CCDC38: variants seen among roughly 807,000 people sequenced by gnomAD.
CCDC38 encodes coiled-coil domain-containing protein 38.
CCDC38 carries 69 observed loss-of-function variants against 72.8 expected under a neutral mutation model. The observed-to-expected ratio is 0.95, with a 90% CI of 0.78 to 1.16. The LOEUF is 1.16. CCDC38 is among the 50% of genes most tolerant of loss of function. The pLI is 0.00. For missense variants in CCDC38, 626 were observed against 638.9 expected (o/e 0.98, Z 0.22); for synonymous variants, 201 against 213.2 (o/e 0.94, Z 0.50).
At chr12:95,878,500 A>G (rs964103707) in intron 12 of CCDC38, among the ~76,000 whole-genome samples, 154 bp from the exon 13 acceptor site, 3 of 152,206 alleles carry the variant, frequency 2.0e-5, no homozygotes, top group African/African-American at 7.2e-5. Context: ...AGTACATGCA[A>G]CTTTTCAAGT....
chr12:95,881,451 C>T (rs1302847951), intron 11 of CCDC38, 34 bp downstream of exon 11: 1 of 1,499,336 alleles, frequency 6.7e-7, no homozygotes. Flanking sequence ...TTCACCAAAC[C>T]CAATATTTAA....
chr12:95,908,438 G>A (rs533060944), intron 4 of CCDC38, among the ~76,000 whole-genome samples: 12 of 54,018 alleles, frequency 2.2e-4, no homozygotes, highest in African/African-American at 1.4e-3. Flanking sequence ...GAGGGAGACC[G>A]TGGAAAGAGG....
At chr12:95,878,594 C>G (rs1177577478) in intron 12 of CCDC38, among the ~76,000 whole-genome samples, 1 of 152,148 alleles carries the variant, frequency 6.6e-6, no homozygotes, top group Non-Finnish European at 1.5e-5. Flanking sequence ...TTTTGTGGTT[C>G]CATTCGAATT....
At chr12:95,901,007 A>T (rs2079944754) in intron 5 of CCDC38, among the ~76,000 whole-genome samples, 1 of 152,178 alleles carries the variant, frequency 6.6e-6, no homozygotes, top group African/African-American at 2.4e-5. Context: ...GAAGGGCATG[A>T]TCCTATCACT....
chr12:95,942,340 G>C (rs973013178), intron 1 of CCDC38, 91 bp downstream of exon 1: 4 of 151,784 alleles, frequency 2.6e-5, no homozygotes, highest in Non-Finnish European at 5.9e-5. Flanking sequence ...CTCCAATTTT[G>C]GTCGCAAGTT....
At position 95,878,244 on chromosome 12, in the gene CCDC38, G is replaced by A; in HGVS notation, c.1245C>T (p.Leu415=). Residue 415 remains leucine (L), a synonymous_variant, in exon 13 of 16, where the codon CTC becomes CTT. Coordinates refer to ENST00000344280, the MANE Select transcript of CCDC38 (RefSeq NM_182496.3). ...KAAELQLKSK[L]FSFGEFNSDA... is the part of the protein sequence containing the mutation. ...CTGAATTAAATTCTCCAAAGCTAAA[G>A]AGCTTGGACTTTAATTGCAATTCTG... 1.2e-6 allele frequency: 2 copies of A among 1,613,540 alleles called. No homozygotes were observed. Among genetic ancestry groups the A allele is most frequent in the Non-Finnish European group, 1.7e-6 (2 of 1,179,784 alleles).
At chr12:95,899,474 ATTT>A (rs1365203273) in intron 5 of CCDC38, among the ~76,000 whole-genome samples, 1 of 152,080 alleles carries the variant, frequency 6.6e-6, no homozygotes, top group Non-Finnish European at 1.5e-5. Flanking sequence ...TCATTTTTGT[ATTT>A]TTAGTAGAGA....
chr12:95,909,892 G>A (rs765804280), intron 4 of CCDC38, among the ~76,000 whole-genome samples: 1 of 152,064 alleles, frequency 6.6e-6, no homozygotes, highest in African/African-American at 2.4e-5. Flanking sequence ...GGCATCGAAG[G>A]AACATACCTC....
At chr12:95,895,260 C>A in intron 7 of CCDC38, 114 bp from the exon 8 acceptor site, 3 of 632,440 alleles carry the variant, frequency 4.7e-6, no homozygotes, top group Non-Finnish European at 4.9e-6. Flanking sequence ...ATTTAATTAT[C>A]AAAAAGGATA....
chr12:95,917,098 A>C, intron 4 of CCDC38, 31 bp downstream of exon 4: 1 of 1,538,860 alleles, frequency 6.5e-7, no homozygotes. Flanking sequence ...AATATTCAAA[A>C]TGATGTTCTT....
chr12:95,877,499 C>T (rs74665020), intron 13 of CCDC38, among the ~76,000 whole-genome samples: 4,586 of 152,170 alleles, frequency 0.03, 159 homozygotes, highest in East Asian at 0.099. Context: ...CAATGTTAGC[C>T]TTATATATTA....
Position 95,879,124 on chromosome 12 carries a change from T to G in CCDC38, c.1142+520A>C, listed in dbSNP as rs1361596796. Reference sequence around the variant, plus strand: ...ATATTTTTAGATGAGGAAGGAATTTTGTGAGGGATCAAATCCAGCTGCTTT... The same window carrying G: ...ATATTTTTAGATGAGGAAGGAATTTGGTGAGGGATCAAATCCAGCTGCTTT... On this transcript the variant is annotated intron_variant, in intron 12 of 15. Transcript: ENST00000344280. The surrounding 1 kb of genome is among the most constrained non-coding windows in gnomAD (Gnocchi z 5.5). 6.6e-6 allele frequency among the ~76,000 whole-genome samples: 1 copy of G among 152,228 alleles called. No individual in the cohort carries two copies. The highest frequency in any genetic ancestry group is 2.1e-4 in the South Asian group (1 of 4,830).
At chr12:95,873,471 G>A (rs1331508185) in intron 13 of CCDC38, among the ~76,000 whole-genome samples, 1 of 152,094 alleles carries the variant, frequency 6.6e-6, no homozygotes, top group African/African-American at 2.4e-5. Context: ...AAAAGCTTAG[G>A]CCAAACCTTG....
At position 95,903,156 on chromosome 12, in the gene CCDC38, G is replaced by A. The variant is rs78796008; in HGVS notation, c.369+3231C>T. Among the ~76,000 whole-genome samples the A allele has an allele frequency of 2.6e-4, 39 of 152,150 alleles. 1 individual carries two copies. The East Asian group carries it at 7.3e-3, about 29-fold the overall frequency. ...TAGAATTATTTCATATTTTGATGCTGTTGGACATGGCATTGCTTTTTAAAT... is the reference window on the plus strand; with the variant it reads ...TAGAATTATTTCATATTTTGATGCTATTGGACATGGCATTGCTTTTTAAAT... On this transcript the variant is annotated intron_variant, in intron 5 of 15. Coordinates refer to ENST00000344280, the MANE Select transcript of CCDC38 (RefSeq NM_182496.3).
intron 2 of CCDC38, among the ~76,000 whole-genome samples, chr12:95,932,971 TG>T (rs1345284116): frequency 2.6e-5 from 4 of 152,118 alleles, no homozygotes; most frequent in African/African-American, 9.7e-5. Flanking sequence ...GTTCAAAAAA[TG>T]AGTCGGAGAA....
intron 2 of CCDC38, chr12:95,934,168 A>G (rs2080366685): frequency 6.6e-6 from 1 of 152,174 alleles, no homozygotes; most frequent in Non-Finnish European, 1.5e-5. Flanking sequence ...TATATACAGT[A>G]TAAAACTATA....
intron 11 of CCDC38, chr12:95,880,049 GA>G: frequency 7.5e-6 from 2 of 265,494 alleles, no homozygotes; most frequent in South Asian, 1.5e-4. Flanking sequence ...AGAGGGTGAG[GA>G]AAAGGAGACA....
intron 7 of CCDC38, among the ~76,000 whole-genome samples, chr12:95,897,949 G>T (rs995092504): frequency 6.6e-6 from 1 of 152,024 alleles, no homozygotes; most frequent in African/African-American, 2.4e-5. Flanking sequence ...AAAAAATACT[G>T]CCCATGATGA....
chr12:95,878,172 G>T, intron 13 of CCDC38, 39 bp downstream of exon 13: 1 of 1,606,360 alleles, frequency 6.2e-7, no homozygotes, highest in Non-Finnish European at 8.5e-7. Context: ...TTATAATCAT[G>T]AGCCAAAATG....
Sources: gnomAD v4.1 joint callset for allele counts (sites outside exome capture counted in the v4.1 genomes callset) on GRCh38, gnomAD v4.1.1 for gene constraint, Gnocchi (gnomAD v3.1) non-coding constraint, MANE v1.5 for transcripts, NCBI Gene and HGNC (gene_info 2026-07-23, HGNC 2026-07-21) for gene names.